The following PPFIA2 variants were observed in gnomAD, a reference collection of about 807,000 sequenced individuals.
PPFIA2 encodes the protein liprin-alpha-2.
PPFIA2 carries 46 observed loss-of-function variants against 175.5 expected under a neutral mutation model. That is an observed-to-expected ratio of 0.26 (90% CI 0.21 to 0.34). The LOEUF (loss-of-function observed/expected upper bound fraction) is 0.34, where lower values mean the gene tolerates loss of function less well. Ranked by LOEUF, PPFIA2 falls within the 10% of genes least tolerant of loss-of-function variation. The pLI is 1.00. For missense variants in PPFIA2, 1,179 were observed against 1,506.1 expected (o/e 0.78, Z 3.60); for synonymous variants, 568 against 511.4 (o/e 1.11, Z -1.49).
intron 4 of PPFIA2, among the ~76,000 whole-genome samples, chr12:81,550,541 C>A (rs913553932): frequency 1.3e-5 from 2 of 151,926 alleles, no homozygotes; most frequent in Non-Finnish European, 2.9e-5. Context: ...AGTAGAGGAT[C>A]TGAAACAGAT....
At chr12:81,432,329 T>A (rs1300730362) in intron 7 of PPFIA2, among the ~76,000 whole-genome samples, 1 of 152,124 alleles carries the variant, frequency 6.6e-6, no homozygotes, top group African/African-American at 2.4e-5. Flanking sequence ...CTCACACTCC[T>A]GAGTTCAAGC....
chr12:81,664,129 G>A lies in PPFIA2; in HGVS notation c.303+12662C>T, dbSNP rs978466790. Among the ~76,000 whole-genome samples the A allele has an allele frequency of 1.4e-4, 22 of 152,162 alleles. 1 individual carries two copies. The highest frequency in any genetic ancestry group is 1.0e-4 in the Non-Finnish European group (7 of 68,020). On this transcript the variant is annotated intron_variant, in intron 4 of 32. Coordinates refer to ENST00000549396, the MANE Select transcript of PPFIA2 (RefSeq NM_003625.5). ...AATACCATTCAGGACACAGGCATGG[G>A]CAAGGACTTCATGTCTAAAACACCA...
At chr12:81,622,785 GC>G (rs1458758406) in intron 4 of PPFIA2, among the ~76,000 whole-genome samples, 1 of 152,046 alleles carries the variant, frequency 6.6e-6, no homozygotes, top group Non-Finnish European at 1.5e-5. Context: ...TCCTCCTTCT[GC>G]CCCTACCCCT....
At chr12:81,590,604 C>T (rs974163069) in intron 4 of PPFIA2, among the ~76,000 whole-genome samples, 6 of 151,904 alleles carry the variant, frequency 3.9e-5, no homozygotes, top group Admixed American at 2.6e-4. Context: ...GGGAGGAACC[C>T]GGTGGGAGGT....
chr12:81,468,458 G>T (rs749612909), intron 4 of PPFIA2, among the ~76,000 whole-genome samples: 2 of 152,146 alleles, frequency 1.3e-5, no homozygotes, highest in Non-Finnish European at 2.9e-5. Context: ...CAACAGCTCT[G>T]ACAGTGTAAA....
intron 4 of PPFIA2, among the ~76,000 whole-genome samples, chr12:81,634,518 GA>G (rs2063766659): frequency 6.6e-6 from 1 of 151,952 alleles, no homozygotes; most frequent in African/African-American, 2.4e-5. Context: ...TCCTGCAAGT[GA>G]GCTGTTTTCA....
intron 4 of PPFIA2, among the ~76,000 whole-genome samples, chr12:81,496,601 A>G (rs962144235): frequency 6.6e-6 from 1 of 152,190 alleles, no homozygotes; most frequent in African/African-American, 2.4e-5. Context: ...AAACAATCAT[A>G]AATCCACGTG....
chr12:81,757,224 G>C (rs938781037), intron 2 of PPFIA2, among the ~76,000 whole-genome samples: 1 of 152,164 alleles, frequency 6.6e-6, no homozygotes, highest in Non-Finnish European at 1.5e-5. Context: ...GAAGCAGCTT[G>C]CACAGTCCGG....
intron 4 of PPFIA2, among the ~76,000 whole-genome samples, chr12:81,513,044 A>G (rs1424604648): frequency 1.3e-5 from 2 of 152,164 alleles, no homozygotes; most frequent in South Asian, 2.1e-4. Context: ...GAACTCAACC[A>G]AATCAGCAAG....
chr12:81,500,695 G>A (rs1462930437), intron 4 of PPFIA2, among the ~76,000 whole-genome samples: 37 of 152,142 alleles, frequency 2.4e-4, no homozygotes, highest in Admixed American at 2.4e-3. Context: ...GTATGTTAAA[G>A]CACATATATC....
chr12:81,423,855 G>T (rs1592759422), intron 7 of PPFIA2, among the ~76,000 whole-genome samples: 1 of 152,072 alleles, frequency 6.6e-6, no homozygotes, highest in African/African-American at 2.4e-5. Flanking sequence ...AAGGCTCACT[G>T]TTATAACTAA....
intron 22 of PPFIA2, among the ~76,000 whole-genome samples, chr12:81,306,376 C>G (rs1399478960): frequency 6.6e-6 from 1 of 152,090 alleles, no homozygotes; most frequent in Non-Finnish European, 1.5e-5. Flanking sequence ...TCAGTTTCCT[C>G]ATGTGGAACA....
At chr12:81,756,636 T>C (rs1180683894) in intron 2 of PPFIA2, among the ~76,000 whole-genome samples, 1 of 151,950 alleles carries the variant, frequency 6.6e-6, no homozygotes, top group Admixed American at 6.6e-5. Flanking sequence ...ACTTTAGTTC[T>C]CTCTTTCATG....
chr12:81,611,002 G>A (rs2060842993), intron 4 of PPFIA2, among the ~76,000 whole-genome samples: 1 of 152,144 alleles, frequency 6.6e-6, no homozygotes, highest in South Asian at 2.1e-4. Flanking sequence ...AATTGTTGAT[G>A]CTGTAGTTTG....
intron 4 of PPFIA2, among the ~76,000 whole-genome samples, chr12:81,514,757 A>G (rs1025853203): frequency 6.6e-6 from 1 of 151,958 alleles, no homozygotes; most frequent in Non-Finnish European, 1.5e-5. Flanking sequence ...TAAAAATTAA[A>G]TATACTAAAT....
intron 8 of PPFIA2, among the ~76,000 whole-genome samples, chr12:81,386,832 T>C (rs946906863): frequency 3.3e-5 from 5 of 152,140 alleles, no homozygotes; most frequent in Admixed American, 6.6e-5. Flanking sequence ...TTTAAAAACA[T>C]GAATTTGTTT....
chr12:81,366,027 TTCCTTCCC>T (rs1435892311), intron 14 of PPFIA2, among the ~76,000 whole-genome samples: 43 of 102,320 alleles, frequency 4.2e-4, no homozygotes, highest in Admixed American at 8.8e-4. Flanking sequence ...CCTTCCTTCC[TTCCTTCCC>T]TCCCTCCCTC....
At chr12:81,681,876 AGAGT>A (rs888422591) in intron 3 of PPFIA2, among the ~76,000 whole-genome samples, 1 of 152,054 alleles carries the variant, frequency 6.6e-6, no homozygotes, top group Non-Finnish European at 1.5e-5. Flanking sequence ...AAAATTCTAA[AGAGT>A]TAGTTGACTC....
At chr12:81,635,732 G>GA (rs1023356629) in intron 4 of PPFIA2, among the ~76,000 whole-genome samples, 12 of 151,778 alleles carry the variant, frequency 7.9e-5, no homozygotes, top group African/African-American at 1.9e-4. Context: ...CTCCCTCACA[G>GA]AAAAAAAAGC....
Sources: allele counts gnomAD v4.1 joint callset (sites outside exome capture counted in the v4.1 genomes callset), GRCh38; gene constraint gnomAD v4.1.1; transcripts MANE v1.5; gene names NCBI Gene and HGNC (gene_info 2026-07-23, HGNC 2026-07-21).